Variants in CMYA5 observed in about 807,000 individuals in gnomAD.
The protein encoded by CMYA5 is cardiomyopathy associated 5, also known as cardiomyopathy-associated protein 5.
A neutral mutation model predicts 318.9 loss-of-function variants in CMYA5; 246 were observed. That is an observed-to-expected ratio of 0.77 (90% CI 0.70 to 0.86). The LOEUF (loss-of-function observed/expected upper bound fraction) is 0.86, where lower values mean the gene tolerates loss of function less well. Among genes scored for constraint, CMYA5 ranks in the 40% least tolerant of loss-of-function variants. CMYA5 has a pLI of 0.00. For missense variants in CMYA5, 4,589 were observed against 4,678.2 expected (o/e 0.98, Z 0.56); for synonymous variants, 1,641 against 1,729.5 (o/e 0.95, Z 1.27).
At chr5:79,787,672 T>C (rs763233790) in intron 9 of CMYA5, among the ~76,000 whole-genome samples, 7 of 152,174 alleles carry the variant, frequency 4.6e-5, no homozygotes, top group South Asian at 2.1e-4. Context: ...TTTCCAGACA[T>C]TGGCACTAAA....
At chr5:79,757,797 T>C (rs1316806409) in intron 6 of CMYA5, among the ~76,000 whole-genome samples, 1 of 152,222 alleles carries the variant, frequency 6.6e-6, no homozygotes, top group Non-Finnish European at 1.5e-5. Flanking sequence ...TTGCTCCAAC[T>C]ATAGGACTGT....
rs1194533548 is a variant in CMYA5 at position 79,729,169 on chromosome 5, C to T, written c.404C>T (p.Thr135Ile). The change falls in exon 2 of 13, where the codon ACT becomes ATT. Residue 135 changes from threonine to isoleucine, a missense_variant. Coordinates refer to ENST00000446378, the MANE Select transcript of CMYA5 (RefSeq NM_153610.5). ...GAAGTGAAAAAGGTTCGGAAAAGGACTCATAAGTCAAAGCATGGTTCACCA... is the reference window on the plus strand; with the variant it reads ...GAAGTGAAAAAGGTTCGGAAAAGGATTCATAAGTCAAAGCATGGTTCACCA... ...VDEVKKVRKR[T>I]HKSKHGSPSL... The T allele has an allele frequency of 6.2e-7, 1 of 1,612,384 alleles. No individual in the cohort carries two copies. Among genetic ancestry groups the T allele is most frequent in the East Asian group, 2.2e-5 (1 of 44,868 alleles).
chr5:79,744,367 G>T (rs570732143), intron 3 of CMYA5, among the ~76,000 whole-genome samples: 1 of 152,196 alleles, frequency 6.6e-6, no homozygotes, highest in Non-Finnish European at 1.5e-5. Context: ...GCCAGTGAGT[G>T]CCTCTCATAG....
Position 79,735,740 on chromosome 5 carries a change from G to A in CMYA5, c.6975G>A (p.Glu2325=), listed in dbSNP as rs762576472. 1 of 1,590,660 alleles carries A rather than the reference G, an allele frequency of 6.3e-7. No homozygotes were observed. The highest frequency in any genetic ancestry group is 8.5e-7 in the Non-Finnish European group (1 of 1,172,736). The change falls in exon 2 of 13, where the codon GAG becomes GAA. Residue 2325 remains glutamate (E), a synonymous_variant. Coordinates refer to ENST00000446378, the MANE Select transcript of CMYA5 (RefSeq NM_153610.5). The part of the protein sequence containing the change: ...LEIQSYSLIG[E]KLVMEEAKTI... ...TTCAATCTTATTCACTAATCGGTGA[G>A]AAATTGGTTATGGAAGAAGCCAAAA...
At chr5:79,757,802 G>C (rs185716776) in intron 6 of CMYA5, among the ~76,000 whole-genome samples, 303 of 152,300 alleles carry the variant, frequency 2.0e-3, no homozygotes, top group Middle Eastern at 6.8e-3. Flanking sequence ...CCAACTATAG[G>C]ACTGTAGAAG....
intron 9 of CMYA5, among the ~76,000 whole-genome samples, chr5:79,769,975 T>G (rs1455143929): frequency 6.6e-6 from 1 of 152,236 alleles, no homozygotes; most frequent in Admixed American, 6.5e-5. Context: ...CTGGGGCTGC[T>G]ACCTTTCTTT....
intron 1 of CMYA5, among the ~76,000 whole-genome samples, chr5:79,690,339 A>G (rs1826942781): frequency 6.6e-6 from 1 of 152,156 alleles, no homozygotes; most frequent in African/African-American, 2.4e-5. Context: ...ATAACTGCCG[A>G]AATGTGCTGG....
chr5:79,695,550 A>C (rs6883197), intron 1 of CMYA5, among the ~76,000 whole-genome samples: 29 of 152,008 alleles, frequency 1.9e-4, no homozygotes, highest in African/African-American at 2.4e-5. Flanking sequence ...TATCATACTG[A>C]ACAATGCAGG....
chr5:79,766,516 G>C (rs564903628), intron 9 of CMYA5, among the ~76,000 whole-genome samples: 4 of 152,302 alleles, frequency 2.6e-5, no homozygotes, highest in Middle Eastern at 3.4e-3. Context: ...TAGCATGAAG[G>C]GGTGTTGAAT....
rs180975265 is a variant in CMYA5 at position 79,700,289 on chromosome 5, G to T, written c.149+10233G>T. 5.5e-4 allele frequency among the ~76,000 whole-genome samples: 83 copies of T among 152,290 alleles called. 2 individuals carry two copies. The highest frequency in any genetic ancestry group is 1.2e-4 in the Non-Finnish European group (8 of 68,022). On this transcript the variant is annotated intron_variant, in intron 1 of 12. Transcript: ENST00000446378. ...AAACAGGTTTCAGTTTGCTAGGAAA[G>T]CCTTACGTAAGTTATTTTCTGTAGG...
Position 79,717,982 on chromosome 5 carries a change from G to A in CMYA5, c.150-10933G>A, listed in dbSNP as rs1482301495. ...CGGCTCACTGCAAGCTCCGCCTCCC[G>A]GGTTCACGCCATTCTCCTGCCTCAG... is the stretch of plus-strand genomic sequence containing the variant. On this transcript the variant is annotated intron_variant, in intron 1 of 12. Transcript: ENST00000446378. 1.2e-4 allele frequency among the ~76,000 whole-genome samples: 6 copies of A among 50,252 alleles called. 2 individuals carry two copies. The highest frequency in any genetic ancestry group is 6.2e-4 in the African/African-American group (4 of 6,450). The allele number at this position is 50,252 out of a possible 152,430, so 33.0% of individuals were successfully genotyped here.
At position 79,729,267 on chromosome 5, in the gene CMYA5, A is replaced by G; in HGVS notation, c.502A>G (p.Ser168Gly). Residue 168 changes from serine to glycine, a missense_variant, in exon 2 of 13, where the codon AGT becomes GGT. Physicochemically the swap from Ser to Gly is moderately conservative, Grantham distance 56. Transcript: ENST00000446378. ...SQDVPTNKKGSPLTSASQVLT... is the reference protein window; with the variant it reads ...SQDVPTNKKGGPLTSASQVLT... ...AGATGTTCCAACAAACAAAAAAGGC[A>G]GTCCTTTAACTTCAGCAAGCCAGGT... 6.2e-7 allele frequency: 1 copy of G among 1,611,392 alleles called. No homozygotes were observed.
At chr5:79,773,989 T>G (rs751194947) in intron 9 of CMYA5, among the ~76,000 whole-genome samples, 1 of 152,206 alleles carries the variant, frequency 6.6e-6, no homozygotes, top group Non-Finnish European at 1.5e-5. Flanking sequence ...GTCCTCTAGA[T>G]TGGAGAATCT....
At position 79,734,956 on chromosome 5, in the gene CMYA5, C is replaced by A; in HGVS notation, c.6191C>A (p.Thr2064Lys). The A allele has an allele frequency of 6.2e-7, 1 of 1,613,794 alleles. No homozygotes were observed. Among genetic ancestry groups the A allele is most frequent in the Non-Finnish European group, 8.5e-7 (1 of 1,179,798 alleles). ...TCAGTGGAACAGGTGAAGTCAGAAA[C>A]AATCTCCTCTTCTGTCAAAACAGCC... ...GLSVEQVKSE[T>K]ISSSVKTAHF... Residue 2064 changes from threonine to lysine, a missense_variant, in exon 2 of 13, where the codon ACA (threonine) becomes AAA (lysine). This residue lies in a region of CMYA5 where 2,431 missense variants were observed against 2,495.1 expected (regional missense o/e 0.97). Coordinates refer to ENST00000446378, the MANE Select transcript of CMYA5 (RefSeq NM_153610.5).
intron 2 of CMYA5, among the ~76,000 whole-genome samples, chr5:79,742,282 G>C (rs534173707): frequency 6.6e-6 from 1 of 151,708 alleles, no homozygotes; most frequent in African/African-American, 2.4e-5. Flanking sequence ...AGCCTCCTGG[G>C]CTCAAGCAAT....
At chr5:79,712,274 C>T (rs144347420) in intron 1 of CMYA5, among the ~76,000 whole-genome samples, 151 of 152,134 alleles carry the variant, frequency 9.9e-4, no homozygotes, top group African/African-American at 3.0e-3. Context: ...GAGTGTGGTG[C>T]GTGATCTCGG....
intron 12 of CMYA5, 60 bp downstream of exon 12, chr5:79,793,670 G>A: frequency 2.1e-6 from 3 of 1,458,432 alleles, no homozygotes; most frequent in Non-Finnish European, 2.8e-6. Context: ...GTCCAGGCAG[G>A]GCTCTCTGAG....
intron 9 of CMYA5, among the ~76,000 whole-genome samples, chr5:79,768,683 C>T (rs1000752125): frequency 6.6e-6 from 1 of 152,210 alleles, no homozygotes; most frequent in African/African-American, 2.4e-5. Flanking sequence ...TGATGGGCTT[C>T]CCTTTGTGGG....
chr5:79,755,582 C>T (rs1035663776), intron 6 of CMYA5, among the ~76,000 whole-genome samples: 3 of 152,142 alleles, frequency 2.0e-5, no homozygotes, highest in African/African-American at 4.8e-5. Context: ...CCACTGCGCC[C>T]GGCCAGCATC....
Sources: gnomAD v4.1 joint callset for allele counts (sites outside exome capture counted in the v4.1 genomes callset) on GRCh38, gnomAD v4.1.1 for gene constraint, gnomAD v4.1.1 regional missense constraint, MANE v1.5 for transcripts, NCBI Gene and HGNC (gene_info 2026-07-23, HGNC 2026-07-21) for gene names.